The following TMBIM6 variants were observed in gnomAD, a reference collection of about 807,000 sequenced individuals.
TMBIM6 encodes bax inhibitor 1.
A neutral mutation model predicts 31.4 loss-of-function variants in TMBIM6; 13 were observed. The ratio of observed to expected loss-of-function variants is 0.41; its 90% CI spans 0.27 to 0.66. TMBIM6 has a LOEUF of 0.66. Among genes scored for constraint, TMBIM6 ranks in the 30% least tolerant of loss-of-function variants. The pLI is 0.28. For missense variants in TMBIM6, 275 were observed against 289.5 expected, an observed-to-expected ratio of 0.95 and a Z score of 0.36; for synonymous variants, 85 against 101.7, an observed-to-expected ratio of 0.84 and a Z score of 0.99.
intron 7 of TMBIM6, 38 bp downstream of exon 7, chr12:49,758,800 C>G (rs756761618): frequency 6.5e-7 from 1 of 1,528,344 alleles, no homozygotes; most frequent in Non-Finnish European, 9.0e-7. Context: ...AGCCATTTGC[C>G]TCACACTTCT....
At position 49,758,216 on chromosome 12, in the gene TMBIM6, C is replaced by T. The variant is rs201212681; in HGVS notation, c.287-11C>T. 7 of 1,614,146 alleles carry T rather than the reference C, an allele frequency of 4.3e-6. No homozygotes were observed. The East Asian group carries it at 1.6e-4, about 36-fold the overall frequency. On this transcript the variant is annotated splice_polypyrimidine_tract_variant and intron_variant, in intron 4 of 9. Coordinates refer to ENST00000267115, the MANE Select transcript of TMBIM6 (RefSeq NM_003217.3). ...ATCGTAATACTGTGTTCTGGGTTTT[C>T]TGTTTTCTAGGAGTTGGCCTGGGCC...
In TMBIM6 at chr12:49,759,214, T is replaced by C. The variant is rs1192273191; in HGVS notation, c.514-7T>C. The C allele has an allele frequency of 2.5e-6, 4 of 1,613,466 alleles. No homozygotes were observed. In the Admixed American group the frequency reaches 5.0e-5, roughly 20 times the overall value. The stretch of plus-strand genomic sequence containing the variant: ...TGTATAGTAACTTCATCTCTTACAT[T>C]TGTTAGGCAAACCTGTATGTGGGAC... On this transcript the variant is annotated splice_region_variant and splice_polypyrimidine_tract_variant and intron_variant, in intron 7 of 9. Coordinates refer to ENST00000267115, the MANE Select transcript of TMBIM6 (RefSeq NM_003217.3).
chr12:49,743,729 T>G (rs1945341671), intron 1 of TMBIM6, among the ~76,000 whole-genome samples: 1 of 152,216 alleles, frequency 6.6e-6, no homozygotes, highest in South Asian at 2.1e-4. Context: ...CACCTATGGC[T>G]GAAACTTTTG....
At position 49,752,978 on chromosome 12, in the gene TMBIM6, C is replaced by G; in HGVS notation, c.62C>G (p.Pro21Arg). ...DALLKFSHIT[P>R]STQQHLKKVY... ...TATTCACATTCTTTTCTTAGAACCC[C>G]GTCAACGCAGCAGCACCTGAAGAAG... Residue 21 changes from proline to arginine, a missense_variant, in exon 3 of 10, where the codon CCG becomes CGG. Transcript: ENST00000267115. 6.2e-7 allele frequency: 1 copy of G among 1,613,520 alleles called. No homozygotes were observed. The highest frequency in any genetic ancestry group is 8.5e-7 in the Non-Finnish European group (1 of 1,179,766).
At chr12:49,759,477 C>T (rs1459119641) in intron 8 of TMBIM6, among the ~76,000 whole-genome samples, 156 bp downstream of exon 8, 1 of 152,082 alleles carries the variant, frequency 6.6e-6, no homozygotes, top group African/African-American at 2.4e-5. Context: ...CATAATCTTC[C>T]TCAATTCCTG....
intron 8 of TMBIM6, among the ~76,000 whole-genome samples, chr12:49,760,991 C>T (rs1472701146): frequency 1.3e-5 from 2 of 152,074 alleles, no homozygotes; most frequent in African/African-American, 4.8e-5. Flanking sequence ...AGGCATGCAC[C>T]ACCATGCCCG....
intron 1 of TMBIM6, among the ~76,000 whole-genome samples, chr12:49,745,954 C>T (rs893491583): frequency 1.1e-4 from 17 of 152,010 alleles, no homozygotes; most frequent in African/African-American, 2.9e-4. Flanking sequence ...GCATAAATTA[C>T]GATACTTTCA....
chr12:49,745,770 C>G (rs996218250), intron 1 of TMBIM6, among the ~76,000 whole-genome samples: 2 of 150,010 alleles, frequency 1.3e-5, no homozygotes, highest in African/African-American at 5.0e-5. Flanking sequence ...TTTTCCCAGA[C>G]TAGGGATATC....
intron 1 of TMBIM6, among the ~76,000 whole-genome samples, chr12:49,751,796 C>A (rs1945499414): frequency 7.9e-6 from 1 of 126,570 alleles, no homozygotes; most frequent in Admixed American, 8.8e-5. Context: ...TGGACTCTTG[C>A]CCTGTTGCCC....
At position 49,762,888 on chromosome 12, in the gene TMBIM6, A is replaced by C; in HGVS notation, c.706A>C (p.Lys236Gln). ...AMNEKDKKKE[K>Q]K ...CCATTTCTAGGATAAGAAGAAAGAG[A>C]AGAAATGAAGTGACCATCCAGCCTT... The change falls in exon 10 of 10, where the codon AAG (lysine) becomes CAG (glutamine). Residue 236 changes from lysine to glutamine, a missense_variant. Coordinates refer to ENST00000267115, the MANE Select transcript of TMBIM6 (RefSeq NM_003217.3). The C allele has an allele frequency of 1.2e-6, 2 of 1,612,920 alleles. No individual in the cohort carries two copies. Among genetic ancestry groups the C allele is most frequent in the Non-Finnish European group, 8.5e-7 (1 of 1,179,008 alleles).
intron 1 of TMBIM6, among the ~76,000 whole-genome samples, chr12:49,752,255 C>T (rs906818523): frequency 1.3e-5 from 2 of 152,156 alleles, no homozygotes; most frequent in Admixed American, 1.3e-4. Context: ...GAAGAAGATG[C>T]ATTCAATTCC....
rs748529173 is a variant in TMBIM6, at chr12:49,753,055, G to A, written c.139G>A (p.Val47Ile). ...CMFVAAAGAY[V>I]HMVTHFIQAG... ...GTTTGTGGCGGCTGCAGGGGCCTATGTCCATATGGTCACTCATTTCATTCA... is the reference window on the plus strand; with the variant it reads ...GTTTGTGGCGGCTGCAGGGGCCTATATCCATATGGTCACTCATTTCATTCA... The change falls in exon 3 of 10, where the codon GTC becomes ATC. Residue 47 changes from valine (V) to isoleucine (I), a missense_variant. Coordinates refer to ENST00000267115, the MANE Select transcript of TMBIM6 (RefSeq NM_003217.3). 1.1e-4 allele frequency: 170 copies of A among 1,613,876 alleles called. 1 individual carries two copies. The East Asian group carries it at 3.7e-3, about 35-fold the overall frequency.
chr12:49,747,167 TTTC>T (rs1945410801), intron 1 of TMBIM6, among the ~76,000 whole-genome samples: 1 of 152,128 alleles, frequency 6.6e-6, no homozygotes. Flanking sequence ...ATATGGGATT[TTTC>T]TTCTAAGTAT....
At position 49,764,710 on chromosome 12, in the gene TMBIM6, TAAAAAAAAAAAAGAAA is replaced by T; in HGVS notation, c.*1815_*1830del. On this transcript the variant is annotated 3_prime_UTR_variant, in exon 10 of 10. Coordinates refer to ENST00000267115, the MANE Select transcript of TMBIM6 (RefSeq NM_003217.3). ...AACAGTGCCAAGAATGACAAGATATTAAAAAAAAAAAAGAAAGAAAAAAAAAAAAACACCTACTTTT... is the reference window on the plus strand; with the variant it reads ...AACAGTGCCAAGAATGACAAGATATTGAAAAAAAAAAAAACACCTACTTTT... The T allele has an allele frequency of 2.0e-5, 2 of 101,774 alleles. No individual in the cohort carries two copies. Among genetic ancestry groups the T allele is most frequent in the South Asian group, 5.9e-4 (2 of 3,410 alleles). 6.3% of individuals were successfully genotyped at this position (101,774 alleles called of 1,614,324 possible). A position where few individuals can be genotyped will look rare whatever the true frequency, so the allele number is the denominator to read the frequency against.
chr12:49,742,430 G>A, intron 1 of TMBIM6: 3 of 1,145,896 alleles, frequency 2.6e-6, no homozygotes, highest in Non-Finnish European at 3.5e-6. Flanking sequence ...TATATTTACT[G>A]AGTGTAGAAT....
At chr12:49,742,170 C>T (rs770593466) in intron 1 of TMBIM6, 29 of 1,613,210 alleles carry the variant, frequency 1.8e-5, no homozygotes, top group Admixed American at 3.3e-5. Context: ...CGAGGCTCCT[C>T]AGTTACTTAG....
At chr12:49,745,416 T>G (rs1945372707) in intron 1 of TMBIM6, among the ~76,000 whole-genome samples, 1 of 152,176 alleles carries the variant, frequency 6.6e-6, no homozygotes, top group East Asian at 1.9e-4. Context: ...GCAAAAGTGC[T>G]ACCTGTTTGC....
rs916149140 is a variant in TMBIM6 at position 49,742,049 on chromosome 12, G to C, written c.-31+438G>C. Reference sequence around the variant, plus strand: ...GCGAAACTCCACCCATCCGATTGCTGTTCGGCTGCGGGCGGGTCCTTTGGT... The same window carrying C: ...GCGAAACTCCACCCATCCGATTGCTCTTCGGCTGCGGGCGGGTCCTTTGGT... On this transcript the variant is annotated intron_variant, in intron 1 of 9. Coordinates refer to ENST00000267115, the MANE Select transcript of TMBIM6 (RefSeq NM_003217.3). The C allele has an allele frequency of 8.7e-5, 134 of 1,533,156 alleles. No homozygotes were observed. The African/African-American group carries it at 1.3e-3, about 15-fold the overall frequency. The allele number at this position is 1,533,156 out of a possible 1,614,324, so 95.0% of individuals were successfully genotyped here.
Position 49,761,838 on chromosome 12 carries a change from G to A in TMBIM6, c.690+59G>A, listed in dbSNP as rs556444826. On this transcript the variant is annotated intron_variant, in intron 9 of 9. Coordinates refer to ENST00000267115, the MANE Select transcript of TMBIM6 (RefSeq NM_003217.3). Reference sequence around the variant, plus strand: ...AATGGCTCCTGAGCTTGGCATGTGTGTATACTTCAGATTTGAAAACTTGCT... The same window carrying A: ...AATGGCTCCTGAGCTTGGCATGTGTATATACTTCAGATTTGAAAACTTGCT... 3 of 1,552,212 alleles carry A rather than the reference G, an allele frequency of 1.9e-6. No homozygotes were observed. The Admixed American group carries it at 5.1e-5, about 26-fold the overall frequency.
Sources: allele counts gnomAD v4.1 joint callset (sites outside exome capture counted in the v4.1 genomes callset), GRCh38; gene constraint gnomAD v4.1.1; transcripts MANE v1.5; gene names NCBI Gene and HGNC (gene_info 2026-07-23, HGNC 2026-07-21).